Variants in TXK observed in about 807,000 individuals in gnomAD.
TXK encodes tyrosine-protein kinase TXK.
A neutral mutation model predicts 81.0 loss-of-function variants in TXK; 60 were observed. The ratio of observed to expected loss-of-function variants is 0.74; its 90% CI spans 0.60 to 0.92. The LOEUF (loss-of-function observed/expected upper bound fraction) is 0.92, where lower values mean the gene tolerates loss of function less well. TXK is among the 40% of genes least tolerant of loss of function. TXK has a pLI of 0.00. For synonymous variants in TXK, 203 were observed against 210.7 expected (o/e 0.96, Z 0.32); for missense variants, 581 against 638.3 (o/e 0.91, Z 0.97).
chr4:48,092,351 A>G (rs1717808669), intron 8 of TXK, among the ~76,000 whole-genome samples: 1 of 152,154 alleles, frequency 6.6e-6, no homozygotes, highest in African/African-American at 2.4e-5. Context: ...AGAAGGCCAA[A>G]AAGGGGTGGT....
At chr4:48,107,106 A>C (rs1197285262) in intron 5 of TXK, among the ~76,000 whole-genome samples, 1 of 151,572 alleles carries the variant, frequency 6.6e-6, no homozygotes, top group Non-Finnish European at 1.5e-5. Context: ...AGTTTCCAAA[A>C]ATTTAATTAA....
At chr4:48,084,359 G>A (rs1462029697) in intron 10 of TXK, among the ~76,000 whole-genome samples, 1 of 151,994 alleles carries the variant, frequency 6.6e-6, no homozygotes, top group South Asian at 2.1e-4. Context: ...CTCCCAGAAT[G>A]AATCAGGGGA....
intron 2 of TXK, among the ~76,000 whole-genome samples, chr4:48,113,815 TA>T (rs562175140): frequency 0.026 from 3,711 of 144,536 alleles, 127 homozygotes; most frequent in African/African-American, 0.086. Flanking sequence ...ATGGGGATCA[TA>T]AAAAAAAAAA....
intron 1 of TXK, among the ~76,000 whole-genome samples, chr4:48,116,217 G>C (rs1718807858): frequency 6.6e-6 from 1 of 152,144 alleles, no homozygotes; most frequent in South Asian, 2.1e-4. Flanking sequence ...GGAATAATAG[G>C]ATGCCTAACA....
chr4:48,126,880 C>G (rs1388826275), intron 1 of TXK, among the ~76,000 whole-genome samples: 1 of 152,152 alleles, frequency 6.6e-6, no homozygotes, highest in South Asian at 2.1e-4. Flanking sequence ...AATGCCTCCC[C>G]CAGCTCCCTG....
intron 6 of TXK, among the ~76,000 whole-genome samples, chr4:48,096,285 A>C (rs1317242540): frequency 6.6e-6 from 1 of 152,218 alleles, no homozygotes; most frequent in Non-Finnish European, 1.5e-5. Context: ...CAAGATGTAA[A>C]AGACAAAGAT....
Position 48,124,418 on chromosome 4 carries a change from T to C in TXK, c.16+9737A>G, listed in dbSNP as rs182233179. 7.7e-4 allele frequency among the ~76,000 whole-genome samples: 116 copies of C among 151,466 alleles called. 4 individuals carry two copies. The East Asian group carries it at 0.02, about 26-fold the overall frequency. ...TCTCAATCTCAGGGACTGCATCTTATCCTTTTTTTTTTATTTTTAATTTTT... is the reference window on the plus strand; with the variant it reads ...TCTCAATCTCAGGGACTGCATCTTACCCTTTTTTTTTTATTTTTAATTTTT... On this transcript the variant is annotated intron_variant, in intron 1 of 14. Coordinates refer to ENST00000264316, the MANE Select transcript of TXK (RefSeq NM_003328.3).
At chr4:48,089,717 G>C (rs1717682541) in intron 9 of TXK, 33 bp downstream of exon 9, 2 of 1,569,524 alleles carry the variant, frequency 1.3e-6, no homozygotes, top group Non-Finnish European at 1.8e-6. Flanking sequence ...TACTGGATTT[G>C]CTATTTTACT....
chr4:48,134,217 C>T lies in TXK; in HGVS notation c.-47G>A, dbSNP rs1253742330. The T allele has an allele frequency of 5.6e-6, 9 of 1,605,652 alleles. No individual in the cohort carries two copies. The highest frequency in any genetic ancestry group is 1.7e-5 in the Admixed American group (1 of 58,584). On this transcript the variant is annotated 5_prime_UTR_variant, in exon 1 of 15. Coordinates refer to ENST00000264316, the MANE Select transcript of TXK (RefSeq NM_003328.3). Reference sequence around the variant, plus strand: ...CACACAACAGTCTTCAGTTCTTCTGCGGTGCTCTACTCACAAAAACACATC... The same window carrying T: ...CACACAACAGTCTTCAGTTCTTCTGTGGTGCTCTACTCACAAAAACACATC...
rs912620801 is a variant in TXK at position 48,079,839 on chromosome 4, T to C, written c.1173+73A>G. 4.0e-6 allele frequency: 4 copies of C among 1,008,518 alleles called. No individual in the cohort carries two copies. The African/African-American group carries it at 6.5e-5, about 16-fold the overall frequency. The allele number at this position is 1,008,518 out of a possible 1,614,324, so 62.5% of individuals were successfully genotyped here. On this transcript the variant is annotated intron_variant, in intron 11 of 14. Coordinates refer to ENST00000264316, the MANE Select transcript of TXK (RefSeq NM_003328.3). ...ATCAAGGACACATTATTCAAAGTATTGAAAGTAATTGTCACATCCTTCTGA... is the reference window on the plus strand; with the variant it reads ...ATCAAGGACACATTATTCAAAGTATCGAAAGTAATTGTCACATCCTTCTGA...
chr4:48,134,038 T>A, intron 1 of TXK, 117 bp downstream of exon 1: 2 of 1,115,604 alleles, frequency 1.8e-6, no homozygotes, highest in Non-Finnish European at 2.6e-6. Context: ...CTGAGGAAAT[T>A]ATCTTTTAAT....
At chr4:48,096,734 G>A (rs1717996535) in intron 6 of TXK, among the ~76,000 whole-genome samples, 1 of 151,918 alleles carries the variant, frequency 6.6e-6, no homozygotes, top group Non-Finnish European at 1.5e-5. Context: ...TCACCGTGTT[G>A]GCCATGCTGG....
At chr4:48,101,376 A>T (rs1718187195) in intron 6 of TXK, among the ~76,000 whole-genome samples, 1 of 152,172 alleles carries the variant, frequency 6.6e-6, no homozygotes, top group African/African-American at 2.4e-5. Context: ...ACTATTCCAG[A>T]GATTGGAAAG....
chr4:48,085,242 G>C (rs1235109295), intron 10 of TXK, among the ~76,000 whole-genome samples: 1 of 152,130 alleles, frequency 6.6e-6, no homozygotes, highest in Non-Finnish European at 1.5e-5. Context: ...GGTCTACAAA[G>C]AGCCACTTCT....
At chr4:48,110,903 T>C (rs1024023441) in intron 4 of TXK, among the ~76,000 whole-genome samples, 2 of 152,236 alleles carry the variant, frequency 1.3e-5, no homozygotes, top group Admixed American at 6.5e-5. Context: ...GTGATTATGT[T>C]AAAAACACAG....
At chr4:48,085,238 C>A (rs1717474453) in intron 10 of TXK, among the ~76,000 whole-genome samples, 1 of 152,134 alleles carries the variant, frequency 6.6e-6, no homozygotes. Flanking sequence ...CAATGGTCTA[C>A]AAAGAGCCAC....
chr4:48,071,810 T>A (rs1002549645), intron 13 of TXK, 136 bp from the exon 14 acceptor site: 15 of 939,668 alleles, frequency 1.6e-5, no homozygotes, highest in South Asian at 1.2e-4. Context: ...TAACAGCGGT[T>A]CTGTCAAGGA....
chr4:48,102,707 T>G (rs1396133166), intron 6 of TXK, among the ~76,000 whole-genome samples: 1 of 152,202 alleles, frequency 6.6e-6, no homozygotes, highest in African/African-American at 2.4e-5. Context: ...TCAGAAACAT[T>G]TTGAATGTTT....
chr4:48,120,263 A>G (rs1718920758), intron 1 of TXK, among the ~76,000 whole-genome samples: 1 of 148,934 alleles, frequency 6.7e-6, no homozygotes. Context: ...ATATATACAT[A>G]CACACATATA....
Sources: gnomAD v4.1 joint callset for allele counts (sites outside exome capture counted in the v4.1 genomes callset) on GRCh38, gnomAD v4.1.1 for gene constraint, MANE v1.5 for transcripts, NCBI Gene and HGNC (gene_info 2026-07-23, HGNC 2026-07-21) for gene names.